GTF3C5: variants seen among roughly 807,000 people sequenced by gnomAD.
GTF3C5 encodes general transcription factor IIIC subunit 5.
Under a neutral mutation model 61.0 loss-of-function variants are expected in GTF3C5, and 47 were observed. The observed-to-expected ratio is 0.77, with a 90% CI of 0.61 to 0.98. The LOEUF is 0.98. Ranked by LOEUF, GTF3C5 falls within the 50% of genes least tolerant of loss-of-function variation. GTF3C5 has a pLI of 0.00. For synonymous variants in GTF3C5, 295 were observed against 275.4 expected (o/e 1.07, Z -0.71); for missense variants, 659 against 703.3 (o/e 0.94, Z 0.71).
chr9:133,054,836 G>A, intron 8 of GTF3C5, 27 bp downstream of exon 8: 2 of 1,550,632 alleles, frequency 1.3e-6, no homozygotes, highest in Non-Finnish European at 8.7e-7. Flanking sequence ...GCCAGGAATG[G>A]AGGGGAGGAC....
At chr9:133,039,579 A>AT (rs1409725217) in intron 1 of GTF3C5, among the ~76,000 whole-genome samples, 1 of 152,038 alleles carries the variant, frequency 6.6e-6, no homozygotes, top group Non-Finnish European at 1.5e-5. Flanking sequence ...AGTTTTTGGT[A>AT]TTTTTTGTAG....
chr9:133,042,785 A>G (rs1850077092), intron 2 of GTF3C5, among the ~76,000 whole-genome samples: 1 of 152,196 alleles, frequency 6.6e-6, no homozygotes, highest in African/African-American at 2.4e-5. Context: ...TGAGGAAGCA[A>G]TAAAGCAAGG....
intron 3 of GTF3C5, chr9:133,044,146 CAAAAAAAAAAAA>C (rs34524914): frequency 0.027 from 2,883 of 108,622 alleles, 96 homozygotes; most frequent in Non-Finnish European, 0.033. Context: ...CTTTGTCTCC[CAAAAAAAAAAAA>C]AAAAAAAAAA....
Position 133,054,997 on chromosome 9 carries a change from G to C in GTF3C5, c.1167+188G>C, listed in dbSNP as rs140626982. On this transcript the variant is annotated intron_variant, in intron 8 of 10. Coordinates refer to ENST00000372097, the MANE Select transcript of GTF3C5 (RefSeq NM_012087.4). ...CTCGGGTGCAAAGCCCCAGGGCTGT[G>C]TGTGTTGGGGACATCTGGCGAAGAG... is the stretch of plus-strand genomic sequence containing the variant. 738 of 1,551,758 alleles carry C rather than the reference G, an allele frequency of 4.8e-4. 4 individuals are homozygous for C. The African/African-American group carries it at 9.3e-3, about 20-fold the overall frequency.
intron 1 of GTF3C5, among the ~76,000 whole-genome samples, chr9:133,033,276 A>G (rs1300315704): frequency 6.6e-6 from 1 of 152,082 alleles, no homozygotes; most frequent in Non-Finnish European, 1.5e-5. Context: ...CTCTTACTCT[A>G]CGGTGTCTTG....
chr9:133,040,745 C>T (rs183552555), intron 1 of GTF3C5, among the ~76,000 whole-genome samples: 1 of 152,268 alleles, frequency 6.6e-6, no homozygotes, highest in South Asian at 2.1e-4. Flanking sequence ...CAAGCCACTC[C>T]ACCCCGCACC....
At chr9:133,030,895 T>A, upstream of GTF3C5, 1 of 1,201,478 alleles carries the variant, frequency 8.3e-7, no homozygotes, top group Non-Finnish European at 1.2e-6. Flanking sequence ...CCCGGGGAGT[T>A]AGGATGACGC....
intron 3 of GTF3C5, among the ~76,000 whole-genome samples, chr9:133,045,293 G>A (rs1850168504): frequency 6.6e-6 from 1 of 152,196 alleles, no homozygotes; most frequent in African/African-American, 2.4e-5. Flanking sequence ...TCGTACACAT[G>A]AGGAAGCCGA....
At chr9:133,034,044 C>T (rs1849801783) in intron 1 of GTF3C5, among the ~76,000 whole-genome samples, 2 of 152,090 alleles carry the variant, frequency 1.3e-5, no homozygotes, top group African/African-American at 4.8e-5. Flanking sequence ...GGGATCCCGT[C>T]CTGTAACATC....
chr9:133,055,292 T>A (rs1189966354), intron 8 of GTF3C5: 1 of 1,406,576 alleles, frequency 7.1e-7, no homozygotes, highest in South Asian at 1.2e-5. Context: ...CGCAAGCCGC[T>A]CCACAGCCCT....
intron 3 of GTF3C5, among the ~76,000 whole-genome samples, chr9:133,046,419 A>G (rs561888729): frequency 6.6e-6 from 1 of 152,338 alleles, no homozygotes; most frequent in Non-Finnish European, 1.5e-5. Flanking sequence ...CTCTGTGAGA[A>G]AGGCAGGTGC....
chr9:133,054,668 T>C, intron 7 of GTF3C5, 44 bp from the exon 8 acceptor site: 1 of 1,510,042 alleles, frequency 6.6e-7, no homozygotes, highest in Non-Finnish European at 9.0e-7. Flanking sequence ...AGACACCTCC[T>C]CCCCACCCTG....
intron 3 of GTF3C5, among the ~76,000 whole-genome samples, chr9:133,046,609 G>A (rs1047291304): frequency 1.3e-5 from 2 of 152,190 alleles, no homozygotes; most frequent in African/African-American, 4.8e-5. Context: ...GGCACTCCCT[G>A]GAGCCTGGTG....
intron 4 of GTF3C5, among the ~76,000 whole-genome samples, chr9:133,051,763 C>T (rs373345435): frequency 3.3e-5 from 5 of 152,302 alleles, no homozygotes; most frequent in Admixed American, 6.5e-5. Context: ...CCCCCTGAGC[C>T]GTACTCCCCA....
At chr9:133,054,577 G>T in intron 7 of GTF3C5, 89 bp downstream of exon 7, 5 of 1,432,158 alleles carry the variant, frequency 3.5e-6, no homozygotes, top group Non-Finnish European at 4.8e-6. Flanking sequence ...TGGTTCCTGG[G>T]GGTCACTCCA....
At position 133,051,082 on chromosome 9, in the gene GTF3C5, G is replaced by A. The variant is rs1257845816; in HGVS notation, c.768+104G>A. ...TCCTGGCTGTGGGGTTGGCTGCACT[G>A]ACCTTTACCCATTCCTTAGTGCATG... On this transcript the variant is annotated intron_variant, in intron 4 of 10. Transcript: ENST00000372097. 4 of 812,124 alleles carry A rather than the reference G, an allele frequency of 4.9e-6. No homozygotes were observed. In the Admixed American group the frequency reaches 1.2e-4, roughly 25 times the overall value. 50.3% of individuals were successfully genotyped at this position (812,124 alleles called of 1,614,324 possible).
chr9:133,051,885 A>G (rs1290323847), intron 4 of GTF3C5, 175 bp from the exon 5 acceptor site: 1 of 459,210 alleles, frequency 2.2e-6, no homozygotes, highest in East Asian at 3.6e-5. Flanking sequence ...TTCTGAGGGA[A>G]GGGATGAATT....
At chr9:133,034,405 T>C (rs1261925511) in intron 1 of GTF3C5, among the ~76,000 whole-genome samples, 1 of 152,172 alleles carries the variant, frequency 6.6e-6, no homozygotes, top group Non-Finnish European at 1.5e-5. Context: ...AGAACAAGTG[T>C]CGAACTGAAG....
chr9:133,050,723 C>A, intron 3 of GTF3C5, 60 bp from the exon 4 acceptor site: 2 of 1,311,692 alleles, frequency 1.5e-6, no homozygotes, highest in Non-Finnish European at 2.2e-6. Context: ...CTGGTCTGGC[C>A]CAGCGGGTGC....
Sources: allele counts gnomAD v4.1 joint callset (sites outside exome capture counted in the v4.1 genomes callset), GRCh38; gene constraint gnomAD v4.1.1; transcripts MANE v1.5; gene names NCBI Gene and HGNC (gene_info 2026-07-23, HGNC 2026-07-21).